Variants in UNC13C observed in about 807,000 individuals in gnomAD.
UNC13C encodes unc-13 homolog C, also known as protein unc-13 homolog C.
UNC13C carries 174 observed loss-of-function variants against 245.4 expected under a neutral mutation model. The observed-to-expected ratio is 0.71, with a 90% CI of 0.63 to 0.80. The LOEUF (loss-of-function observed/expected upper bound fraction) is 0.80, where lower values mean the gene tolerates loss of function less well. Among genes scored for constraint, UNC13C ranks in the 30% least tolerant of loss-of-function variants. UNC13C has a pLI of 0.00. For missense variants in UNC13C, 2,829 were observed against 2,602.9 expected, an observed-to-expected ratio of 1.09 and a Z score of -1.89; for synonymous variants, 992 against 895.1, an observed-to-expected ratio of 1.11 and a Z score of -1.93.
chr15:54,055,035 G>A (rs762972690), intron 2 of UNC13C, among the ~76,000 whole-genome samples: 9 of 152,096 alleles, frequency 5.9e-5, no homozygotes, highest in Non-Finnish European at 1.2e-4. Context: ...GTTATAGCCT[G>A]CAGATAAATA....
intron 2 of UNC13C, among the ~76,000 whole-genome samples, chr15:54,077,976 A>T (rs1056302724): frequency 1.3e-5 from 2 of 152,110 alleles, no homozygotes; most frequent in African/African-American, 4.8e-5. Flanking sequence ...CTTCCCTCCC[A>T]GCCTCCCCTA....
At chr15:54,494,551 A>C in intron 19 of UNC13C, 57 bp from the exon 20 acceptor site, 1 of 1,439,692 alleles carries the variant, frequency 6.9e-7, no homozygotes, top group Non-Finnish European at 9.2e-7. Flanking sequence ...AGATTGGAAC[A>C]TAGCAGCATT....
At chr15:53,972,023 T>C in the UNC13C span, among the ~76,000 whole-genome samples, 2 of 152,236 alleles carry the variant, frequency 1.3e-5, no homozygotes, top group African/African-American at 2.4e-5. Context: ...ATGGGTTCAT[T>C]GTCTTGACTT....
intron 29 of UNC13C, 26 bp from the exon 30 acceptor site, chr15:54,567,774 C>CT: frequency 6.4e-7 from 1 of 1,558,344 alleles, no homozygotes. Flanking sequence ...CTCTAAATGC[C>CT]TCGGCTTATT....
At chr15:53,979,447 T>A (rs182918068) in intron 1 of UNC13C, among the ~76,000 whole-genome samples, 1 of 152,344 alleles carries the variant, frequency 6.6e-6, no homozygotes, top group Admixed American at 6.5e-5. Context: ...AAGAAGAAGA[T>A]CCTGCAGATT....
the UNC13C span, chr15:53,948,233 T>C: frequency 5.3e-5 from 8 of 152,356 alleles, no homozygotes; most frequent in African/African-American, 1.9e-4. Flanking sequence ...GCCAGGTTAC[T>C]GTTATTTTTT....
chr15:54,572,345 T>A (rs560287505), intron 30 of UNC13C, among the ~76,000 whole-genome samples: 47 of 152,092 alleles, frequency 3.1e-4, no homozygotes, highest in African/African-American at 1.1e-3. Context: ...GGGAAAAAAA[T>A]TTGTATTTTT....
intron 2 of UNC13C, among the ~76,000 whole-genome samples, chr15:54,023,369 G>T (rs1895979505): frequency 6.6e-6 from 1 of 152,234 alleles, no homozygotes. Context: ...ATCTGTGTAA[G>T]TTGTACATTT....
chr15:53,960,090 A>C, the UNC13C span, among the ~76,000 whole-genome samples: 4 of 152,142 alleles, frequency 2.6e-5, no homozygotes, highest in Admixed American at 2.0e-4. Context: ...GAGATATGCT[A>C]CCTCCAAGTA....
chr15:54,420,687 AT>A lies in UNC13C; in HGVS notation c.4933+5628del, dbSNP rs202242145. 9.2e-5 allele frequency among the ~76,000 whole-genome samples: 14 copies of A among 151,754 alleles called. No homozygotes were observed. The South Asian group carries it at 2.1e-3, about 23-fold the overall frequency. Reference sequence around the variant, plus strand: ...AATAATAGTCAGTGTGGATAAAACCATTTTTTTTCCCTTCGGCTTCATTTCT... The same window carrying A: ...AATAATAGTCAGTGTGGATAAAACCATTTTTTTCCCTTCGGCTTCATTTCT... On this transcript the variant is annotated intron_variant, in intron 19 of 32. Transcript: ENST00000260323.
chr15:53,969,328 A>G, the UNC13C span, among the ~76,000 whole-genome samples: 2 of 152,190 alleles, frequency 1.3e-5, no homozygotes, highest in East Asian at 1.9e-4. Context: ...GCAGCATTCT[A>G]TCCTCTAACT....
intron 19 of UNC13C, among the ~76,000 whole-genome samples, chr15:54,491,348 C>T (rs552974644): frequency 1.3e-5 from 2 of 151,030 alleles, no homozygotes. Context: ...ATCCTAACTT[C>T]CTACCAAAGG....
At chr15:54,439,428 ATGATAATTT>A (rs1419560431) in intron 19 of UNC13C, among the ~76,000 whole-genome samples, 2 of 151,980 alleles carry the variant, frequency 1.3e-5, no homozygotes, top group African/African-American at 4.8e-5. Flanking sequence ...AAAGTTGATA[ATGATAATTT>A]TGATAATTTT....
chr15:53,970,475 C>T, the UNC13C span, among the ~76,000 whole-genome samples: 17 of 152,174 alleles, frequency 1.1e-4, no homozygotes, highest in African/African-American at 4.1e-4. Flanking sequence ...TACCTCTTGG[C>T]TATTGTGAAT....
intron 10 of UNC13C, among the ~76,000 whole-genome samples, chr15:54,291,137 GGGT>G (rs1383067556): frequency 1.3e-5 from 2 of 151,754 alleles, no homozygotes; most frequent in African/African-American, 4.8e-5. Flanking sequence ...TATAAATTTT[GGGT>G]AAATTACCAA....
At chr15:54,207,286 A>T (rs1733522073) in intron 4 of UNC13C, among the ~76,000 whole-genome samples, 1 of 152,092 alleles carries the variant, frequency 6.6e-6, no homozygotes, top group Admixed American at 6.6e-5. Flanking sequence ...CTCTCCCTCA[A>T]GGTGAGGGAG....
At chr15:54,174,843 GGA>G (rs2033551354) in intron 4 of UNC13C, among the ~76,000 whole-genome samples, 1 of 152,104 alleles carries the variant, frequency 6.6e-6, no homozygotes, top group Non-Finnish European at 1.5e-5. Context: ...AGGTAAGAAT[GGA>G]GATACTCCTC....
chr15:54,316,097 G>C (rs1034509887), intron 13 of UNC13C, among the ~76,000 whole-genome samples: 3 of 151,832 alleles, frequency 2.0e-5, no homozygotes, highest in Admixed American at 6.6e-5. Flanking sequence ...TGAAGAACTA[G>C]AGTTCCTTGC....
the UNC13C span, among the ~76,000 whole-genome samples, chr15:53,950,744 G>C: frequency 1.7e-4 from 26 of 152,292 alleles, no homozygotes; most frequent in Non-Finnish European, 1.9e-4. Flanking sequence ...ATAGCCAGGG[G>C]TTATGCATTT....
Sources: allele counts gnomAD v4.1 joint callset (sites outside exome capture counted in the v4.1 genomes callset), GRCh38; gene constraint gnomAD v4.1.1; transcripts MANE v1.5; gene names NCBI Gene and HGNC (gene_info 2026-07-23, HGNC 2026-07-21).